SDC1: variants seen among roughly 807,000 people sequenced by gnomAD.
SDC1 encodes the protein syndecan 1.
A neutral mutation model predicts 29.7 loss-of-function variants in SDC1; 14 were observed. The ratio of observed to expected loss-of-function variants is 0.47; its 90% CI spans 0.31 to 0.74. SDC1 has a LOEUF of 0.74. SDC1 is among the 30% of genes least tolerant of loss of function. SDC1 has a pLI of 0.05. For synonymous variants in SDC1, 204 were observed against 175.5 expected (o/e 1.16, Z -1.29); for missense variants, 406 against 400.3 (o/e 1.01, Z -0.12).
intron 1 of SDC1, among the ~76,000 whole-genome samples, chr2:20,213,944 T>TC (rs1677552881): frequency 6.6e-6 from 1 of 152,188 alleles, no homozygotes; most frequent in Non-Finnish European, 1.5e-5. Context: ...CCTATCAGTG[T>TC]CCCTGTCATT....
intron 3 of SDC1, 130 bp from the exon 4 acceptor site, chr2:20,203,352 C>G: frequency 9.1e-7 from 1 of 1,100,340 alleles, no homozygotes; most frequent in Non-Finnish European, 1.3e-6. Context: ...TGCACCCAAA[C>G]CAGGATCGCA....
At position 20,202,074 on chromosome 2, in the gene SDC1, T is replaced by C; in HGVS notation, c.*692A>G. On this transcript the variant is annotated 3_prime_UTR_variant, in exon 5 of 5. Coordinates refer to ENST00000254351, the MANE Select transcript of SDC1 (RefSeq NM_002997.5). ...ACACAAACTAAGCCTACATTTTGGC[T>C]TCCAGATTTGGTTCTCCTAGTTTAA... 1 of 547,616 alleles carries C rather than the reference T, an allele frequency of 1.8e-6. No homozygotes were observed. The highest frequency in any genetic ancestry group is 3.2e-6 in the Non-Finnish European group (1 of 312,824). 33.9% of individuals were successfully genotyped at this position (547,616 alleles called of 1,614,324 possible).
intron 1 of SDC1, among the ~76,000 whole-genome samples, chr2:20,220,489 G>T (rs536889865): frequency 2.3e-4 from 35 of 152,242 alleles, no homozygotes; most frequent in African/African-American, 8.4e-4. Flanking sequence ...AAGGTTTTGG[G>T]TAAAGTTCAA....
rs1558428408 is a variant in SDC1 at position 20,202,228 on chromosome 2, A to G, written c.*538T>C. On this transcript the variant is annotated 3_prime_UTR_variant, in exon 5 of 5. Coordinates refer to ENST00000254351, the MANE Select transcript of SDC1 (RefSeq NM_002997.5). ...AAGTAACAAGGTCTACTGGGCTATGAACAAAGAACTAGAGGAAACATGTGC... is the reference window on the plus strand; with the variant it reads ...AAGTAACAAGGTCTACTGGGCTATGGACAAAGAACTAGAGGAAACATGTGC... The G allele has an allele frequency of 1.3e-6, 1 of 775,572 alleles. No individual in the cohort carries two copies. The highest frequency in any genetic ancestry group is 1.7e-5 in the Admixed American group (1 of 58,576). 48.0% of individuals were successfully genotyped at this position (775,572 alleles called of 1,614,324 possible).
chr2:20,211,438 TACATTTCCG>T (rs902561952), intron 1 of SDC1, among the ~76,000 whole-genome samples: 14 of 152,198 alleles, frequency 9.2e-5, no homozygotes, highest in African/African-American at 3.1e-4. Flanking sequence ...CAATGTCCTC[TACATTTCCG>T]ACACGTCCAC....
chr2:20,205,342 C>T lies in SDC1; in HGVS notation c.148+1G>A. The stretch of plus-strand genomic sequence containing the variant: ...GGGGGGGGCCCCCATGACAACCTCA[C>T]CTGCACCTGAGCCGGAGAAGTTGTC... On this transcript the variant is annotated splice_donor_variant, in intron 2 of 4. Transcript: ENST00000254351. LOFTEE classifies it high-confidence loss of function. 6.2e-7 allele frequency: 1 copy of T among 1,613,610 alleles called. No homozygotes were observed. Among genetic ancestry groups the T allele is most frequent in the Non-Finnish European group, 8.5e-7 (1 of 1,179,764 alleles).
At chr2:20,223,324 T>C in intron 1 of SDC1, 3 of 1,284,906 alleles carry the variant, frequency 2.3e-6, no homozygotes, top group South Asian at 2.5e-5. Flanking sequence ...TGGCAGCTAC[T>C]ACACGAGGCA....
Position 20,202,805 on chromosome 2 carries a change from G to A in SDC1, c.894C>T (p.Ala298=), listed in dbSNP as rs1314829134. ...CCTCCTGTTTGGTGGGCTTCTGGTAGGCCCCGCCGTTGGCTTGTTTCGGCT... is the reference window on the plus strand; with the variant it reads ...CCTCCTGTTTGGTGGGCTTCTGGTAAGCCCCGCCGTTGGCTTGTTTCGGCT... ...LEEPKQANGG[A]YQKPTKQEEF... The change falls in exon 5 of 5, where the codon GCC becomes GCT. Residue 298 remains alanine, a synonymous_variant. Coordinates refer to ENST00000254351, the MANE Select transcript of SDC1 (RefSeq NM_002997.5). The A allele has an allele frequency of 6.2e-7, 1 of 1,612,772 alleles. No homozygotes were observed. Among genetic ancestry groups the A allele is most frequent in the Non-Finnish European group, 8.5e-7 (1 of 1,179,462 alleles).
Position 20,224,758 on chromosome 2 carries a change from C to G in SDC1, c.66+44G>C. On this transcript the variant is annotated intron_variant, in intron 1 of 4. Coordinates refer to ENST00000254351, the MANE Select transcript of SDC1 (RefSeq NM_002997.5). The surrounding 1 kb of genome is among the most constrained non-coding windows in gnomAD (Gnocchi z 4.9). ...CGCCGGCATCCGCGGGTGACCAGTC[C>G]CGGCTTCCCGCCGCCTCCCCGCCTG... 2 of 1,296,802 alleles carry G rather than the reference C, an allele frequency of 1.5e-6. No individual in the cohort carries two copies. The highest frequency in any genetic ancestry group is 2.0e-6 in the Non-Finnish European group (2 of 1,021,940). The allele number at this position is 1,296,802 out of a possible 1,614,324, so 80.3% of individuals were successfully genotyped here.
intron 1 of SDC1, among the ~76,000 whole-genome samples, chr2:20,212,436 C>T (rs3771244): frequency 0.29 from 44,720 of 152,074 alleles, 6,901 homozygotes; most frequent in Middle Eastern, 0.37. Context: ...AAGTGCTAGA[C>T]ACATCACTCC....
Position 20,204,172 on chromosome 2 carries a change from T to C in SDC1, c.268A>G (p.Thr90Ala). 6.3e-7 allele frequency: 1 copy of C among 1,599,914 alleles called. No homozygotes were observed. The highest frequency in any genetic ancestry group is 2.2e-5 in the East Asian group (1 of 44,834). Reference protein sequence around the residue: ...PTGLEATAASTSTLPAGEGPK... With the variant: ...PTGLEATAASASTLPAGEGPK... Reference sequence around the variant, plus strand: ...CCCTCTCCAGCCGGCAGGGTGGAGGTGGAGGCAGCTGTAGCCTCCAGGCCG... The same window carrying C: ...CCCTCTCCAGCCGGCAGGGTGGAGGCGGAGGCAGCTGTAGCCTCCAGGCCG... Residue 90 changes from threonine to alanine, a missense_variant, in exon 3 of 5, where the codon ACC (threonine) becomes GCC (alanine). Physicochemically the swap from Thr to Ala is moderately conservative, Grantham distance 58. Coordinates refer to ENST00000254351, the MANE Select transcript of SDC1 (RefSeq NM_002997.5).
intron 1 of SDC1, among the ~76,000 whole-genome samples, chr2:20,211,624 C>G (rs959789434): frequency 7.4e-4 from 112 of 152,344 alleles, no homozygotes; most frequent in African/African-American, 2.6e-3. Flanking sequence ...CCAGCCGGCC[C>G]GGCTGGACCC....
In SDC1 at chr2:20,205,365, G is replaced by C. The variant is rs1558432037; in HGVS notation, c.126C>G (p.Asp42Glu). 2 of 1,614,040 alleles carry C rather than the reference G, an allele frequency of 1.2e-6. No individual in the cohort carries two copies. The highest frequency in any genetic ancestry group is 1.7e-6 in the Non-Finnish European group (2 of 1,179,934). The change falls in exon 2 of 5, where the codon GAC becomes GAG. Residue 42 changes from aspartate to glutamate, a missense_variant. Asp to Glu is a conservative substitution (Grantham distance 45). Coordinates refer to ENST00000254351, the MANE Select transcript of SDC1 (RefSeq NM_002997.5). Reference sequence around the variant, plus strand: ...CACCTGCACCTGAGCCGGAGAAGTTGTCAGAGTCATCCCCAGAGCCATCTT... The same window carrying C: ...CACCTGCACCTGAGCCGGAGAAGTTCTCAGAGTCATCCCCAGAGCCATCTT... ...EDQDGSGDDS[D>E]NFSGSGAGAL...
Position 20,202,145 on chromosome 2 carries a change from C to A in SDC1, c.*621G>T. ...CTTAACCCTGATGCTGTCTCCCGAC[C>A]ATAGATTAGGGAAGCAAGATGGGGG... On this transcript the variant is annotated 3_prime_UTR_variant, in exon 5 of 5. Transcript: ENST00000254351. The A allele has an allele frequency of 1.7e-6, 1 of 594,980 alleles. No homozygotes were observed. The highest frequency in any genetic ancestry group is 3.0e-5 in the Admixed American group (1 of 32,850). 36.9% of individuals were successfully genotyped at this position (594,980 alleles called of 1,614,324 possible).
intron 1 of SDC1, among the ~76,000 whole-genome samples, chr2:20,218,389 G>A (rs1558437731): frequency 6.6e-6 from 1 of 152,220 alleles, no homozygotes; most frequent in Non-Finnish European, 1.5e-5. Context: ...TGTCTGAAAA[G>A]GAAGCTGCAG....
intron 1 of SDC1, among the ~76,000 whole-genome samples, chr2:20,217,122 C>T (rs964103277): frequency 4.6e-5 from 7 of 152,210 alleles, no homozygotes; most frequent in African/African-American, 1.7e-4. Context: ...CATAAAATGT[C>T]CTGCCTTACA....
intron 1 of SDC1, among the ~76,000 whole-genome samples, chr2:20,212,059 G>A (rs1677482905): frequency 6.6e-6 from 1 of 152,096 alleles, no homozygotes; most frequent in Non-Finnish European, 1.5e-5. Flanking sequence ...AAGGGGCTTG[G>A]TGGATAACGC....
Position 20,202,720 on chromosome 2 carries a change from G to C in SDC1, c.*46C>G. 6.5e-7 allele frequency: 1 copy of C among 1,529,528 alleles called. No homozygotes were observed. The allele number at this position is 1,529,528 out of a possible 1,614,324, so 94.7% of individuals were successfully genotyped here. On this transcript the variant is annotated 3_prime_UTR_variant, in exon 5 of 5. Coordinates refer to ENST00000254351, the MANE Select transcript of SDC1 (RefSeq NM_002997.5). ...GCAGTTCTTCAAGGAAGAGGCAAGT[G>C]GGGGCCTAGTGAGTGGCAGGGCGGA...
At chr2:20,216,951 C>A (rs1444853005) in intron 1 of SDC1, among the ~76,000 whole-genome samples, 1 of 152,188 alleles carries the variant, frequency 6.6e-6, no homozygotes, top group Non-Finnish European at 1.5e-5. Context: ...TGAACTCAAG[C>A]TCACGCCACC....
Sources: gnomAD v4.1 joint callset for allele counts (sites outside exome capture counted in the v4.1 genomes callset) on GRCh38, gnomAD v4.1.1 for gene constraint, Gnocchi (gnomAD v3.1) non-coding constraint, MANE v1.5 for transcripts, NCBI Gene and HGNC (gene_info 2026-07-23, HGNC 2026-07-21) for gene names.